The following RBFOX2 variants were observed in gnomAD, a reference collection of about 807,000 sequenced individuals.
RBFOX2 encodes RNA binding fox-1 homolog 2.
RBFOX2 carries 10 observed loss-of-function variants against 49.1 expected under a neutral mutation model. That is an observed-to-expected ratio of 0.20 (90% confidence interval 0.13 to 0.35). The LOEUF is 0.35. Ranked by LOEUF, RBFOX2 falls within the 10% of genes least tolerant of loss-of-function variation. RBFOX2 has a pLI of 1.00. For synonymous variants in RBFOX2, 183 were observed against 187.4 expected, an observed-to-expected ratio of 0.98 and a Z score of 0.19; for missense variants, 323 against 486.9, an observed-to-expected ratio of 0.66 and a Z score of 3.17.
At chr22:35,767,963 C>G (rs921636217) in intron 5 of RBFOX2, among the ~76,000 whole-genome samples, 3 of 151,972 alleles carry the variant, frequency 2.0e-5, no homozygotes, top group African/African-American at 7.2e-5. Context: ...ATCAAGAGAG[C>G]AGAAAGATCA....
chr22:36,002,899 T>C (rs1168236459), intron 1 of RBFOX2, among the ~76,000 whole-genome samples: 1 of 152,262 alleles, frequency 6.6e-6, no homozygotes, highest in African/African-American at 2.4e-5. Flanking sequence ...GTGCTGGGAT[T>C]ATAGGCATGA....
upstream of RBFOX2, among the ~76,000 whole-genome samples, chr22:35,841,032 TGA>T (rs1958679822): frequency 6.6e-6 from 1 of 152,072 alleles, no homozygotes; most frequent in South Asian, 2.1e-4. Flanking sequence ...ACACAGGTAA[TGA>T]GAGGTAATTT....
intron 1 of RBFOX2, among the ~76,000 whole-genome samples, chr22:35,832,936 G>A (rs1957057478): frequency 6.6e-6 from 1 of 152,122 alleles, no homozygotes; most frequent in Non-Finnish European, 1.5e-5. Flanking sequence ...AGCTAGAAGG[G>A]GAGATTTGAA....
At chr22:35,856,194 T>C (rs2042493380) in intron 1 of RBFOX2, among the ~76,000 whole-genome samples, 1 of 152,024 alleles carries the variant, frequency 6.6e-6, no homozygotes. Flanking sequence ...ATTTGTAAGG[T>C]TTAAGTTTTG....
intron 1 of RBFOX2, among the ~76,000 whole-genome samples, chr22:35,936,727 T>C (rs2053118662): frequency 6.6e-6 from 1 of 152,116 alleles, no homozygotes; most frequent in Admixed American, 6.6e-5. Context: ...GTTACAGAAG[T>C]GGGCCCCTAC....
chr22:35,785,086 C>A (rs997303330), intron 2 of RBFOX2, among the ~76,000 whole-genome samples: 2 of 152,154 alleles, frequency 1.3e-5, no homozygotes, highest in African/African-American at 4.8e-5. Flanking sequence ...CAGCCTCAAC[C>A]TCCTGGGTTC....
At chr22:35,913,032 A>T (rs2049999521) in intron 1 of RBFOX2, among the ~76,000 whole-genome samples, 1 of 152,120 alleles carries the variant, frequency 6.6e-6, no homozygotes, top group Non-Finnish European at 1.5e-5. Context: ...GTCTATTGTC[A>T]TTTTTCTTAG....
chr22:35,831,438 A>C (rs1810120591), intron 1 of RBFOX2, among the ~76,000 whole-genome samples: 1 of 152,200 alleles, frequency 6.6e-6, no homozygotes. Flanking sequence ...GTCTCAAAAA[A>C]AAAATAATAA....
chr22:35,968,057 A>G (rs1180409449), intron 1 of RBFOX2, among the ~76,000 whole-genome samples: 5 of 152,080 alleles, frequency 3.3e-5, no homozygotes, highest in African/African-American at 1.2e-4. Flanking sequence ...GTGTTTTCCA[A>G]TTTTCTTGTC....
intron 1 of RBFOX2, among the ~76,000 whole-genome samples, chr22:35,812,769 C>CT (rs1952170012): frequency 1.3e-5 from 2 of 152,238 alleles, no homozygotes; most frequent in African/African-American, 4.8e-5. Context: ...TTCTCCTGCT[C>CT]TGACACTGCT....
intron 4 of RBFOX2, among the ~76,000 whole-genome samples, chr22:35,776,355 T>G (rs1008661369): frequency 6.6e-6 from 1 of 152,238 alleles, no homozygotes; most frequent in African/African-American, 2.4e-5. Flanking sequence ...TATAGGCATA[T>G]TAATCATTTT....
At chr22:35,950,414 CT>C (rs2054786427) in intron 1 of RBFOX2, among the ~76,000 whole-genome samples, 1 of 152,128 alleles carries the variant, frequency 6.6e-6, no homozygotes, top group South Asian at 2.1e-4. Context: ...TCCCATTGTG[CT>C]TGCCTAGCAG....
At chr22:35,774,572 C>T (rs576996219) in intron 4 of RBFOX2, among the ~76,000 whole-genome samples, 13 of 152,122 alleles carry the variant, frequency 8.5e-5, no homozygotes, top group Middle Eastern at 3.4e-3. Flanking sequence ...TATGTATGCA[C>T]GTGTGTGCAC....
chr22:35,984,717 A>G (rs1262155626), intron 1 of RBFOX2, among the ~76,000 whole-genome samples: 1 of 152,170 alleles, frequency 6.6e-6, no homozygotes, highest in African/African-American at 2.4e-5. Flanking sequence ...TTTGTGGCAC[A>G]TGAACAAACC....
At chr22:35,906,371 T>C (rs568328504) in intron 1 of RBFOX2, among the ~76,000 whole-genome samples, 1 of 152,322 alleles carries the variant, frequency 6.6e-6, no homozygotes, top group South Asian at 2.1e-4. Flanking sequence ...AATACAATAA[T>C]CATACATTTT....
intron 4 of RBFOX2, among the ~76,000 whole-genome samples, chr22:35,773,615 A>G (rs1424504485): frequency 6.6e-6 from 1 of 152,104 alleles, no homozygotes; most frequent in Non-Finnish European, 1.5e-5. Context: ...GCTGGGCTGT[A>G]TAATATTTGT....
intron 1 of RBFOX2, among the ~76,000 whole-genome samples, chr22:35,904,614 A>T (rs572639611): frequency 6.6e-6 from 1 of 152,336 alleles, no homozygotes; most frequent in East Asian, 1.9e-4. Flanking sequence ...TCATAACGTC[A>T]ATATGAAAAG....
At chr22:35,764,486 A>T (rs186083201) in intron 6 of RBFOX2, among the ~76,000 whole-genome samples, 13 of 148,478 alleles carry the variant, frequency 8.8e-5, no homozygotes, top group African/African-American at 3.2e-4. Flanking sequence ...CGGGAGGCTG[A>T]GGGCAGGAGA....
At chr22:35,953,063 T>C (rs2055125300) in intron 1 of RBFOX2, among the ~76,000 whole-genome samples, 1 of 151,754 alleles carries the variant, frequency 6.6e-6, no homozygotes, top group South Asian at 2.1e-4. Flanking sequence ...TACAAAAAAT[T>C]AGCTGGGCCT....
Sources: allele counts gnomAD v4.1 joint callset (sites outside exome capture counted in the v4.1 genomes callset), GRCh38; gene constraint gnomAD v4.1.1; transcripts MANE v1.5; gene names NCBI Gene and HGNC (gene_info 2026-07-23, HGNC 2026-07-21).